The following CATSPERB variants were observed in gnomAD, a reference collection of about 807,000 sequenced individuals.
The protein encoded by CATSPERB is cation channel sperm-associated auxiliary subunit beta.
In CATSPERB, 93 loss-of-function variants were observed where a neutral mutation model predicts 128.3. The observed-to-expected ratio is 0.72, with a 90% CI of 0.61 to 0.86. The LOEUF is 0.86. Among genes scored for constraint, CATSPERB ranks in the 40% least tolerant of loss-of-function variants. CATSPERB has a pLI of 0.00. For missense variants in CATSPERB, 1,153 were observed against 1,329.5 expected (o/e 0.87, Z 2.06); for synonymous variants, 381 against 448.8 (o/e 0.85, Z 1.91).
chr14:91,729,530 G>T (rs1595196480), intron 1 of CATSPERB, 51 bp from the exon 2 acceptor site: 5 of 1,016,262 alleles, frequency 4.9e-6, no homozygotes, highest in South Asian at 1.5e-5. Context: ...ACATATTTTT[G>T]AATTCCTTTT....
At chr14:91,691,329 G>A (rs1044181189) in intron 10 of CATSPERB, among the ~76,000 whole-genome samples, 194 bp downstream of exon 10, 21 of 152,086 alleles carry the variant, frequency 1.4e-4, no homozygotes, top group African/African-American at 4.3e-4. Context: ...CTGCTTAATG[G>A]TTGCTACGAA....
intron 18 of CATSPERB, among the ~76,000 whole-genome samples, 167 bp downstream of exon 18, chr14:91,624,653 A>C (rs1013411881): frequency 2.6e-5 from 4 of 152,156 alleles, no homozygotes; most frequent in African/African-American, 9.7e-5. Context: ...AAAAAAAAAA[A>C]AACAAAAAAC....
intron 7 of CATSPERB, among the ~76,000 whole-genome samples, chr14:91,700,454 A>G (rs1895628173): frequency 6.6e-6 from 1 of 152,082 alleles, no homozygotes. Flanking sequence ...CTGCTCCTCA[A>G]TTTTTTGGGA....
intron 15 of CATSPERB, among the ~76,000 whole-genome samples, chr14:91,650,950 A>G (rs968066836): frequency 6.6e-6 from 1 of 152,028 alleles, no homozygotes; most frequent in African/African-American, 2.4e-5. Flanking sequence ...TTGACAATTT[A>G]GTTTTCTTAG....
intron 17 of CATSPERB, among the ~76,000 whole-genome samples, chr14:91,631,526 G>A (rs976372233): frequency 6.6e-6 from 1 of 152,184 alleles, no homozygotes; most frequent in Admixed American, 6.5e-5. Context: ...TTAGTCAGGC[G>A]TGGTGGTGGG....
At chr14:91,604,726 G>C (rs1330248619) in intron 22 of CATSPERB, 2 of 1,613,742 alleles carry the variant, frequency 1.2e-6, no homozygotes, top group African/African-American at 1.3e-5. Context: ...TCCAGGTCTG[G>C]TTGCTCCACA....
intron 14 of CATSPERB, 133 bp from the exon 15 acceptor site, chr14:91,660,114 TCTCACACACACA>T: frequency 1.7e-5 from 6 of 352,074 alleles, no homozygotes; most frequent in East Asian, 1.1e-4. Flanking sequence ...TCTCTCTCTC[TCTCACACACACA>T]CACACACACA....
chr14:91,702,756 A>C (rs1895673514), intron 7 of CATSPERB, among the ~76,000 whole-genome samples: 1 of 151,872 alleles, frequency 6.6e-6, no homozygotes, highest in Non-Finnish European at 1.5e-5. Context: ...GAATTGATAA[A>C]TTTGTAATAC....
At chr14:91,610,742 C>T in intron 20 of CATSPERB, 65 bp from the exon 21 acceptor site, 1 of 1,454,476 alleles carries the variant, frequency 6.9e-7, no homozygotes, top group Non-Finnish European at 9.4e-7. Flanking sequence ...TGTGTCCAAC[C>T]AAAAATCACA....
chr14:91,713,421 C>T (rs1264404144), intron 5 of CATSPERB, among the ~76,000 whole-genome samples: 1 of 151,964 alleles, frequency 6.6e-6, no homozygotes, highest in Admixed American at 6.6e-5. Flanking sequence ...ACATAAAAAC[C>T]GATGAACCCT....
intron 5 of CATSPERB, among the ~76,000 whole-genome samples, chr14:91,718,478 C>G (rs1461834708): frequency 1.3e-5 from 2 of 152,154 alleles, no homozygotes; most frequent in African/African-American, 4.8e-5. Flanking sequence ...TATGGTTCCC[C>G]CATCCCACTC....
At position 91,658,151 on chromosome 14, in the gene CATSPERB, G is replaced by A. The variant is rs1256792056; in HGVS notation, c.1432+1686C>T. 2.0e-5 allele frequency among the ~76,000 whole-genome samples: 3 copies of A among 152,246 alleles called. 1 individual carries two copies. Among genetic ancestry groups the A allele is most frequent in the Admixed American group, 2.0e-4 (3 of 15,300 alleles). On this transcript the variant is annotated intron_variant, in intron 15 of 26. Coordinates refer to ENST00000256343, the MANE Select transcript of CATSPERB (RefSeq NM_024764.4). The stretch of plus-strand genomic sequence containing the variant: ...GCAGCCTAAGTGTCCATCAACAGAT[G>A]AATGAATAAAGAAAATATGGTACAT...
intron 11 of CATSPERB, among the ~76,000 whole-genome samples, chr14:91,675,917 G>A (rs911675872): frequency 1.3e-5 from 2 of 152,102 alleles, no homozygotes; most frequent in African/African-American, 4.8e-5. Context: ...TTATCTAAAT[G>A]GGCCTGTATC....
intron 22 of CATSPERB, 78 bp downstream of exon 22, chr14:91,608,216 A>G: frequency 1.1e-6 from 1 of 879,056 alleles, no homozygotes; most frequent in Non-Finnish European, 1.9e-6. Flanking sequence ...TTTAACACTT[A>G]TAGCTATATA....
intron 19 of CATSPERB, 52 bp from the exon 20 acceptor site, chr14:91,617,788 A>G: frequency 8.0e-7 from 1 of 1,251,436 alleles, no homozygotes; most frequent in Non-Finnish European, 1.1e-6. Context: ...CTGTAAACTC[A>G]ATTGAATAAT....
chr14:91,589,352 G>A (rs1012483577), intron 24 of CATSPERB, among the ~76,000 whole-genome samples, 182 bp downstream of exon 24: 1 of 152,240 alleles, frequency 6.6e-6, no homozygotes, highest in Non-Finnish European at 1.5e-5. Context: ...GCCACTGGGA[G>A]TGATGATGAA....
At chr14:91,674,678 G>A (rs58447051) in intron 11 of CATSPERB, among the ~76,000 whole-genome samples, 54,747 of 151,988 alleles carry the variant, frequency 0.36, 10,169 homozygotes, top group Non-Finnish European at 0.39. Flanking sequence ...ATGCACTGCT[G>A]GCTTATCTAA....
intron 26 of CATSPERB, among the ~76,000 whole-genome samples, chr14:91,585,496 G>T (rs901167877): frequency 1.3e-5 from 2 of 151,880 alleles, no homozygotes; most frequent in African/African-American, 4.8e-5. Context: ...GAGTCCTTTT[G>T]GTAGTTTTTA....
At chr14:91,598,217 CT>C (rs1442345911) in intron 22 of CATSPERB, among the ~76,000 whole-genome samples, 2 of 151,560 alleles carry the variant, frequency 1.3e-5, no homozygotes, top group Non-Finnish European at 2.9e-5. Context: ...TTTTTTACAT[CT>C]TTTTTTATTC....
Sources: gnomAD v4.1 joint callset for allele counts (sites outside exome capture counted in the v4.1 genomes callset) on GRCh38, gnomAD v4.1.1 for gene constraint, MANE v1.5 for transcripts, NCBI Gene and HGNC (gene_info 2026-07-23, HGNC 2026-07-21) for gene names.